The following CUL7 variants were observed in gnomAD, a reference collection of about 807,000 sequenced individuals.
CUL7 encodes cullin-7.
Under a neutral mutation model 177.7 loss-of-function variants are expected in CUL7, and 96 were observed. The observed-to-expected ratio is 0.54, with a 90% CI of 0.46 to 0.64. The LOEUF (loss-of-function observed/expected upper bound fraction) is 0.64. CUL7 is among the 30% of genes least tolerant of loss of function. The pLI is 0.00. For missense variants in CUL7, 1,893 were observed against 2,187.9 expected (o/e 0.87, Z 2.69); for synonymous variants, 824 against 890.2 (o/e 0.93, Z 1.32).
Position 43,049,990 on chromosome 6 carries a change from C to A in CUL7, c.1542G>T (p.Gln514His), listed in dbSNP as rs146808129. The change falls in exon 6 of 26, where the codon CAG (glutamine) becomes CAT (histidine). Residue 514 changes from glutamine (Q) to histidine (H), a missense_variant. This residue lies in a region of CUL7 where 653 missense variants were observed against 725.2 expected (regional missense o/e 0.90). Coordinates refer to ENST00000265348, the MANE Select transcript of CUL7 (RefSeq NM_014780.5). The part of the protein sequence containing the change: ...LDGPDHQEVL[Q>H]ILQENLDGEI... Reference sequence around the variant, plus strand: ...CCCCATCTAGGTTCTCCTGGAGGATCTGGAGAACCTCCTGATGGTCAGGTC... The same window carrying A: ...CCCCATCTAGGTTCTCCTGGAGGATATGGAGAACCTCCTGATGGTCAGGTC... The A allele has an allele frequency of 3.0e-4, 479 of 1,614,158 alleles. 10 individuals are homozygous for A. In the East Asian group the frequency reaches 9.3e-3, roughly 31 times the overall value.
intron 22 of CUL7, among the ~76,000 whole-genome samples, chr6:43,039,507 C>T (rs1208165193): frequency 6.6e-6 from 1 of 151,994 alleles, no homozygotes; most frequent in Non-Finnish European, 1.5e-5. Context: ...TGCCTCCATC[C>T]TCCCCGTCAC....
At chr6:43,042,021 AAAGG>A (rs1763466232) in intron 19 of CUL7, among the ~76,000 whole-genome samples, 1 of 148,284 alleles carries the variant, frequency 6.7e-6, no homozygotes, top group Admixed American at 6.7e-5. Flanking sequence ...AAAAAAAAAA[AAAGG>A]AAGAAGAAAG....
Position 43,053,829 on chromosome 6 carries a change from C to T in CUL7, c.-216G>A. 1.3e-6 allele frequency: 2 copies of T among 1,532,928 alleles called. No individual in the cohort carries two copies. The highest frequency in any genetic ancestry group is 4.9e-5 in the East Asian group (2 of 40,806). The allele number at this position is 1,532,928 out of a possible 1,614,324, so 95.0% of individuals were successfully genotyped here. On this transcript the variant is annotated 5_prime_UTR_variant, in exon 1 of 26. Coordinates refer to ENST00000265348, the MANE Select transcript of CUL7 (RefSeq NM_014780.5). This position sits in a 1 kb window ranked among gnomAD's most constrained non-coding sequence, Gnocchi z 4.1. ...CAGGGTGGGGCCCGGTCCCTGCCAG[C>T]GGCTCCGCCAGCCAAAAGCCACGGC...
rs1763171881 is a variant in CUL7, at chr6:43,038,822, G to A, written c.4440+20C>T. On this transcript the variant is annotated intron_variant, in intron 23 of 25. Coordinates refer to ENST00000265348, the MANE Select transcript of CUL7 (RefSeq NM_014780.5). Reference sequence around the variant, plus strand: ...GGACAAAGTGGGAGACAGGAGAGAGGTGCAGCGGGGCTGGGCCACCTTCAG... The same window carrying A: ...GGACAAAGTGGGAGACAGGAGAGAGATGCAGCGGGGCTGGGCCACCTTCAG... The A allele has an allele frequency of 6.2e-7, 1 of 1,614,210 alleles. No individual in the cohort carries two copies. Among genetic ancestry groups the A allele is most frequent in the Non-Finnish European group, 8.5e-7 (1 of 1,180,034 alleles).
chr6:43,049,154 T>C (rs754667163), intron 7 of CUL7, among the ~76,000 whole-genome samples: 3 of 152,242 alleles, frequency 2.0e-5, no homozygotes, highest in Non-Finnish European at 4.4e-5. Flanking sequence ...AATATGTTTC[T>C]GTACAAGAGA....
rs779950447 is a variant in CUL7 at position 43,048,233 on chromosome 6, T to C, written c.2084A>G (p.Asp695Gly). Residue 695 changes from aspartate to glycine, a missense_variant, in exon 9 of 26, where the codon GAC becomes GGC. Transcript: ENST00000265348. ...GGGGAGCAGCAGTGCCTCGGGGAAG[T>C]CCACCAGCTGCTTCAGGATTCTGGG... ...TVLRILKQLV[D>G]FPEALLLPWH... 6.2e-7 allele frequency: 1 copy of C among 1,613,832 alleles called. No homozygotes were observed. Among genetic ancestry groups the C allele is most frequent in the South Asian group, 1.1e-5 (1 of 91,078 alleles).
At chr6:43,038,796 G>C (rs1490258820) in intron 23 of CUL7, 46 bp downstream of exon 23, 6 of 1,614,110 alleles carry the variant, frequency 3.7e-6, no homozygotes, top group Admixed American at 3.3e-5. Flanking sequence ...AGAGAGGCAA[G>C]GGACAAAGTG....
At chr6:43,044,619 G>T in intron 16 of CUL7, 133 bp downstream of exon 16, 1 of 1,291,712 alleles carries the variant, frequency 7.7e-7, no homozygotes, top group Non-Finnish European at 1.0e-6. Flanking sequence ...TGAGAAGACA[G>T]CACTGGGATT....
At position 43,039,852 on chromosome 6, in the gene CUL7, C is replaced by T. The variant is rs1183102427; in HGVS notation, c.4294+304G>A. Among the ~76,000 whole-genome samples the T allele has an allele frequency of 2.7e-5, 4 of 150,338 alleles. No homozygotes were observed. In the East Asian group the frequency reaches 5.9e-4, roughly 22 times the overall value. On this transcript the variant is annotated intron_variant, in intron 22 of 25. Coordinates refer to ENST00000265348, the MANE Select transcript of CUL7 (RefSeq NM_014780.5). ...CCTGTGGGTTGAAGTGATTCTCCTGCCTCAGCCTCCCGAGTAGCTGGGACT... is the reference window on the plus strand; with the variant it reads ...CCTGTGGGTTGAAGTGATTCTCCTGTCTCAGCCTCCCGAGTAGCTGGGACT...
In CUL7 at chr6:43,050,605, C is replaced by CACACAG. The variant is rs1561893530; in HGVS notation, c.1234-208_1234-207insCTGTGT. Among the ~76,000 whole-genome samples the CACACAG allele has an allele frequency of 7.5e-6, 1 of 133,744 alleles. No individual in the cohort carries two copies. Among genetic ancestry groups the CACACAG allele is most frequent in the Non-Finnish European group, 1.6e-5 (1 of 62,664 alleles). 87.7% of individuals were successfully genotyped at this position (133,744 alleles called of 152,430 possible). A position where few individuals can be genotyped will look rare whatever the true frequency, so the allele number is the denominator to read the frequency against. The stretch of plus-strand genomic sequence containing the variant: ...ACACACACACACACACACACACACA[C>CACACAG]AGGATGCCTTCTCCTTTGGGGGATG... On this transcript the variant is annotated intron_variant, in intron 4 of 25. Transcript: ENST00000265348. The surrounding 1 kb of genome is among the most constrained non-coding windows in gnomAD (Gnocchi z 4.1).
intron 19 of CUL7, 133 bp downstream of exon 19, chr6:43,042,669 T>A (rs369243434): frequency 1.5e-6 from 1 of 680,314 alleles, no homozygotes; most frequent in South Asian, 1.7e-5. Flanking sequence ...TTTTTTAAAC[T>A]TCTTATAACA....
At position 43,050,402 on chromosome 6, in the gene CUL7, G is replaced by A. The variant is rs1764291797; in HGVS notation, c.1234-4C>T. On this transcript the variant is annotated splice_polypyrimidine_tract_variant and splice_region_variant and intron_variant, in intron 4 of 25. Transcript: ENST00000265348. The surrounding 1 kb of genome is among the most constrained non-coding windows in gnomAD (Gnocchi z 4.1). The stretch of plus-strand genomic sequence containing the variant: ...GGCCTGTTGACTCCCAAAATACCTG[G>A]AGCATAGGGAAAGAAAGAGGGAAGG... 6.2e-7 allele frequency: 1 copy of A among 1,614,012 alleles called. No individual in the cohort carries two copies. Among genetic ancestry groups the A allele is most frequent in the Admixed American group, 1.7e-5 (1 of 59,998 alleles).
At chr6:43,041,139 G>T in intron 19 of CUL7, 64 bp from the exon 20 acceptor site, 1 of 1,547,644 alleles carries the variant, frequency 6.5e-7, no homozygotes. Flanking sequence ...GTGGGGAGGA[G>T]GGATGAGGGT....
In CUL7 at chr6:43,048,409, C is replaced by A. The variant is rs1265218656; in HGVS notation, c.1986G>T (p.Gln662His). 2 of 1,613,982 alleles carry A rather than the reference C, an allele frequency of 1.2e-6. No homozygotes were observed. Among genetic ancestry groups the A allele is most frequent in the Non-Finnish European group, 8.5e-7 (1 of 1,179,954 alleles). The change falls in exon 8 of 26, where the codon CAG (glutamine) becomes CAT (histidine). Residue 662 changes from glutamine (Q) to histidine (H), a missense_variant. This residue lies in a region of CUL7 where 973 missense variants were observed against 1,140.9 expected (regional missense o/e 0.85). Transcript: ENST00000265348. ...GCATCAGTGCCAGGAAGGGCTGCGG[C>A]TGCCGCTGCAGCTGCAGCAGGAGTG... ...VKPLLLQLQR[Q>H]PQPFLALMQS...
chr6:43,049,733 G>A, intron 6 of CUL7, 71 bp from the exon 7 acceptor site: 1 of 1,591,098 alleles, frequency 6.3e-7, no homozygotes, highest in Non-Finnish European at 8.6e-7. Context: ...CACTTGGTAG[G>A]GGTGGGGGTC....
chr6:43,039,408 T>C (rs183285876), intron 22 of CUL7, among the ~76,000 whole-genome samples: 1 of 152,138 alleles, frequency 6.6e-6, no homozygotes, highest in Non-Finnish European at 1.5e-5. Context: ...AGCTCAGGGA[T>C]CAGCCCCCGA....
At chr6:43,047,866 C>T (rs969837545) in intron 9 of CUL7, 7 of 477,682 alleles carry the variant, frequency 1.5e-5, no homozygotes, top group African/African-American at 1.3e-4. Flanking sequence ...TAAATTAATA[C>T]AAGTAGTTAC....
chr6:43,045,524 T>G lies in CUL7; in HGVS notation c.2862+63A>C. 2 of 1,613,384 alleles carry G rather than the reference T, an allele frequency of 1.2e-6. No homozygotes were observed. The highest frequency in any genetic ancestry group is 8.5e-7 in the Non-Finnish European group (1 of 1,179,434). ...CCCAGGCTGGTCCTCTGGCTTAAGA[T>G]CTGCCTGTTTATGGGGCTCAGAGCC... On this transcript the variant is annotated intron_variant, in intron 14 of 25. Coordinates refer to ENST00000265348, the MANE Select transcript of CUL7 (RefSeq NM_014780.5). This position sits in a 1 kb window ranked among gnomAD's most constrained non-coding sequence, Gnocchi z 4.8.
At chr6:43,041,433 C>G (rs1278145992) in intron 19 of CUL7, among the ~76,000 whole-genome samples, 1 of 151,874 alleles carries the variant, frequency 6.6e-6, no homozygotes, top group Non-Finnish European at 1.5e-5. Flanking sequence ...TGGCAAAACC[C>G]CATCTCTACT....
Sources: allele counts gnomAD v4.1 joint callset (sites outside exome capture counted in the v4.1 genomes callset), GRCh38; gene constraint gnomAD v4.1.1; regional missense constraint gnomAD v4.1.1; non-coding constraint Gnocchi (gnomAD v3.1); transcripts MANE v1.5; gene names NCBI Gene and HGNC (gene_info 2026-07-23, HGNC 2026-07-21).